Variants in UBOX5 observed in about 807,000 individuals in gnomAD.
UBOX5 encodes the protein RING finger protein 37.
In UBOX5, 28 loss-of-function variants were observed where a neutral mutation model predicts 39.0. The ratio of observed to expected loss-of-function variants is 0.72; its 90% CI spans 0.53 to 0.98. The LOEUF (loss-of-function observed/expected upper bound fraction) is 0.98. Among genes scored for constraint, UBOX5 ranks in the 50% least tolerant of loss-of-function variants. The pLI, the probability that UBOX5 is intolerant of heterozygous loss-of-function variation, is 0.00. For synonymous variants in UBOX5, 283 were observed against 275.5 expected (o/e 1.03, Z -0.27); for missense variants, 585 against 674.4 (o/e 0.87, Z 1.47).
At position 3,122,018 on chromosome 20, in the gene UBOX5, G is replaced by A. The variant is rs142179639; in HGVS notation, c.621C>T (p.Asp207=). The change falls in exon 3 of 5, where the codon GAC becomes GAT. Residue 207 remains aspartate (D), a synonymous_variant. Coordinates refer to ENST00000217173, the MANE Select transcript of UBOX5 (RefSeq NM_014948.4). The part of the protein sequence containing the change: ...PAKTCSQEVI[D]SILLVTSENL... ...TCTCTGAGGTGACCAGCAGGATGCT[G>A]TCTATCACTTCCTGGGAGCAGGTCT... The A allele has an allele frequency of 2.7e-5, 44 of 1,614,244 alleles. No individual in the cohort carries two copies. The East Asian group carries it at 7.4e-4, about 27-fold the overall frequency.
intron 1 of UBOX5, among the ~76,000 whole-genome samples, chr20:3,140,014 C>CT (rs138435815): frequency 0.016 from 1,265 of 78,322 alleles, 15 homozygotes; most frequent in Non-Finnish European, 0.019. Context: ...GGCCTTTTTA[C>CT]TTTTTTTTTT....
chr20:3,144,727 T>TTA (rs2066545451), intron 1 of UBOX5, among the ~76,000 whole-genome samples: 1 of 152,224 alleles, frequency 6.6e-6, no homozygotes, highest in Admixed American at 6.5e-5. Flanking sequence ...ATTATGTTAC[T>TTA]TATATATATA....
intron 4 of UBOX5, among the ~76,000 whole-genome samples, chr20:3,112,110 T>C (rs750213255): frequency 1.3e-5 from 2 of 149,012 alleles, no homozygotes; most frequent in African/African-American, 5.0e-5. Context: ...GAGTGGAAAG[T>C]TGAACCTCTA....
chr20:3,148,256 T>G (rs745395419), intron 1 of UBOX5: 7 of 1,612,424 alleles, frequency 4.3e-6, no homozygotes, highest in African/African-American at 1.3e-5. Flanking sequence ...ATCCTTCCAG[T>G]GCAAATTAAG....
chr20:3,153,533 G>A (rs2066653143), intron 1 of UBOX5, among the ~76,000 whole-genome samples: 1 of 152,226 alleles, frequency 6.6e-6, no homozygotes, highest in South Asian at 2.1e-4. Flanking sequence ...ATTAAAGACT[G>A]TCTGACTCTT....
intron 3 of UBOX5, among the ~76,000 whole-genome samples, chr20:3,120,955 A>T (rs2066330531): frequency 6.6e-6 from 1 of 152,144 alleles, no homozygotes; most frequent in Non-Finnish European, 1.5e-5. Context: ...CCACTGTCAC[A>T]TGAGTAACAC....
intron 1 of UBOX5, among the ~76,000 whole-genome samples, chr20:3,134,894 A>G (rs2066457920): frequency 6.6e-6 from 1 of 152,026 alleles, no homozygotes; most frequent in South Asian, 2.1e-4. Context: ...TATACATAAT[A>G]TAAAGGTAAC....
intron 1 of UBOX5, chr20:3,147,134 G>T: frequency 6.2e-7 from 1 of 1,613,738 alleles, no homozygotes. Flanking sequence ...CTCTGACTCA[G>T]TTTTGCCCTG....
chr20:3,147,955 A>T (rs766151183), intron 1 of UBOX5: 1 of 1,614,244 alleles, frequency 6.2e-7, no homozygotes, highest in Admixed American at 1.7e-5. Flanking sequence ...GCTTCATGAA[A>T]TTGATGTGAT....
chr20:3,140,007 CT>C (rs1363232411), intron 1 of UBOX5, among the ~76,000 whole-genome samples: 1 of 139,354 alleles, frequency 7.2e-6, no homozygotes, highest in Non-Finnish European at 1.5e-5. Flanking sequence ...CACACTCGGC[CT>C]TTTTACTTTT....
At chr20:3,144,794 T>C (rs1350535456) in intron 1 of UBOX5, among the ~76,000 whole-genome samples, 2 of 152,204 alleles carry the variant, frequency 1.3e-5, no homozygotes, top group African/African-American at 4.8e-5. Flanking sequence ...CCAGACTTCC[T>C]AATATAACAC....
At chr20:3,120,689 C>T (rs1443214095) in intron 3 of UBOX5, among the ~76,000 whole-genome samples, 1 of 151,794 alleles carries the variant, frequency 6.6e-6, no homozygotes, top group Non-Finnish European at 1.5e-5. Flanking sequence ...CTGGTGGATC[C>T]TGCCAAATGC....
intron 4 of UBOX5, among the ~76,000 whole-genome samples, chr20:3,114,927 A>T (rs2066281655): frequency 6.6e-6 from 1 of 152,184 alleles, no homozygotes; most frequent in African/African-American, 2.4e-5. Context: ...CAGCCTGGGC[A>T]ACAGGGCGAG....
chr20:3,142,233 G>A (rs1034215765), intron 1 of UBOX5, among the ~76,000 whole-genome samples: 5 of 151,686 alleles, frequency 3.3e-5, no homozygotes, highest in Non-Finnish European at 7.4e-5. Context: ...AGGCCAAGGT[G>A]GGCAGATCAC....
chr20:3,126,035 C>T (rs1007506198), intron 1 of UBOX5, among the ~76,000 whole-genome samples: 21 of 152,286 alleles, frequency 1.4e-4, no homozygotes, highest in South Asian at 4.1e-4. Context: ...ACATCAAGAA[C>T]GGGCCATGAT....
At chr20:3,117,803 C>A (rs1458802412) in intron 3 of UBOX5, among the ~76,000 whole-genome samples, 1 of 151,818 alleles carries the variant, frequency 6.6e-6, no homozygotes, top group Non-Finnish European at 1.5e-5. Context: ...ACCAGCCTGG[C>A]CAACATGGCG....
rs1214969992 is a variant in UBOX5 at position 3,109,608 on chromosome 20, C to T, written c.*498G>A. 5.6e-6 allele frequency: 1 copy of T among 179,242 alleles called. No individual in the cohort carries two copies. Among genetic ancestry groups the T allele is most frequent in the African/African-American group, 2.4e-5 (1 of 42,436 alleles). The allele number at this position is 179,242 out of a possible 1,614,324, so 11.1% of individuals were successfully genotyped here. A position where few individuals can be genotyped will look rare whatever the true frequency, so the allele number is the denominator to read the frequency against. On this transcript the variant is annotated 3_prime_UTR_variant, in exon 5 of 5. Coordinates refer to ENST00000217173, the MANE Select transcript of UBOX5 (RefSeq NM_014948.4). ...AGGCACTCCACCAGGAGGAAACCCA[C>T]AGCAGACGTCAACCATCGCTTTATT...
chr20:3,149,439 C>T lies in UBOX5; in HGVS notation c.-42+10327G>A, dbSNP rs894379617. Among the ~76,000 whole-genome samples the T allele has an allele frequency of 1.3e-5, 2 of 152,094 alleles. No homozygotes were observed. Among genetic ancestry groups the T allele is most frequent in the Non-Finnish European group, 2.9e-5 (2 of 68,008 alleles). Reference sequence around the variant, plus strand: ...ATAAATTCTGCGGTCTGTGTAAAGGCCTAGGAAAACCCCCAACCCAGGGTA... The same window carrying T: ...ATAAATTCTGCGGTCTGTGTAAAGGTCTAGGAAAACCCCCAACCCAGGGTA... On this transcript the variant is annotated intron_variant, in intron 1 of 4. Transcript: ENST00000217173. This position sits in a 1 kb window ranked among gnomAD's most constrained non-coding sequence, Gnocchi z 4.1.
In UBOX5 at chr20:3,110,008, G is replaced by T; in HGVS notation, c.*98C>A. ...CCCGGGAGGGAGCAGGCAGCTCTGT[G>T]CCTGGGGCCTGGCCAGACCTCAGGG... On this transcript the variant is annotated 3_prime_UTR_variant, in exon 5 of 5. Transcript: ENST00000217173. The T allele has an allele frequency of 7.0e-7, 1 of 1,430,474 alleles. No individual in the cohort carries two copies. The highest frequency in any genetic ancestry group is 9.6e-7 in the Non-Finnish European group (1 of 1,036,340). 88.6% of individuals were successfully genotyped at this position (1,430,474 alleles called of 1,614,324 possible). A position where few individuals can be genotyped will look rare whatever the true frequency, so the allele number is the denominator to read the frequency against.
Sources: allele counts gnomAD v4.1 joint callset (sites outside exome capture counted in the v4.1 genomes callset), GRCh38; gene constraint gnomAD v4.1.1; non-coding constraint Gnocchi (gnomAD v3.1); transcripts MANE v1.5; gene names NCBI Gene and HGNC (gene_info 2026-07-23, HGNC 2026-07-21).